The following COA1 variants were observed in gnomAD, a reference collection of about 807,000 sequenced individuals.
COA1 encodes the protein cytochrome c oxidase assembly factor 1, also known as cytochrome c oxidase assembly factor 1 homolog.
A neutral mutation model predicts 16.0 loss-of-function variants in COA1; 13 were observed. That is an observed-to-expected ratio of 0.81 (90% CI 0.53 to 1.29). The LOEUF is 1.29. Among genes scored for constraint, COA1 ranks in the 50% most tolerant of loss-of-function variants. The pLI is 0.00. For missense variants in COA1, 179 were observed against 177.0 expected, an observed-to-expected ratio of 1.01 and a Z score of -0.06; for synonymous variants, 65 against 65.7, an observed-to-expected ratio of 0.99 and a Z score of 0.05.
chr7:43,627,840 T>C (rs909058348), intron 6 of COA1, among the ~76,000 whole-genome samples: 5 of 152,238 alleles, frequency 3.3e-5, no homozygotes, highest in African/African-American at 4.8e-5. Context: ...ACTCCTGTTC[T>C]GTTGCACTGG....
intron 6 of COA1, among the ~76,000 whole-genome samples, chr7:43,616,751 G>C (rs1229620910): frequency 6.6e-6 from 1 of 151,974 alleles, no homozygotes; most frequent in Non-Finnish European, 1.5e-5. Flanking sequence ...CAAAAAATTA[G>C]CCGGGCGTGG....
intron 1 of COA1, among the ~76,000 whole-genome samples, chr7:43,665,197 G>A (rs911084827): frequency 6.6e-6 from 1 of 151,902 alleles, no homozygotes; most frequent in African/African-American, 2.4e-5. Context: ...CAATAAAATG[G>A]GGAAAAAAAC....
At chr7:43,655,339 A>C (rs530844828) in intron 1 of COA1, among the ~76,000 whole-genome samples, 3 of 152,230 alleles carry the variant, frequency 2.0e-5, no homozygotes, top group Admixed American at 2.0e-4. Flanking sequence ...CAATATTTAA[A>C]TTTACAATAC....
At chr7:43,682,842 T>C (rs932241297) in intron 1 of COA1, among the ~76,000 whole-genome samples, 2 of 152,150 alleles carry the variant, frequency 1.3e-5, no homozygotes, top group Non-Finnish European at 2.9e-5. Flanking sequence ...AGTTTGTTTT[T>C]TGGGGTTTTT....
intron 1 of COA1, among the ~76,000 whole-genome samples, chr7:43,714,001 ACT>A (rs1340224006): frequency 1.3e-5 from 2 of 152,084 alleles, no homozygotes; most frequent in Non-Finnish European, 2.9e-5. Context: ...ACACCACTGC[ACT>A]CTGTTTAAAA....
At chr7:43,700,943 T>C (rs930486693) in intron 1 of COA1, among the ~76,000 whole-genome samples, 15 of 152,088 alleles carry the variant, frequency 9.9e-5, no homozygotes, top group African/African-American at 3.6e-4. Context: ...TGCTGGTAAA[T>C]CCTGCCTATC....
At chr7:43,677,474 A>T (rs1420066188) in intron 1 of COA1, among the ~76,000 whole-genome samples, 1 of 152,208 alleles carries the variant, frequency 6.6e-6, no homozygotes, top group Non-Finnish European at 1.5e-5. Context: ...GAATGCTTTA[A>T]TGATTCCCAT....
intron 6 of COA1, among the ~76,000 whole-genome samples, chr7:43,618,896 G>A (rs906983245): frequency 1.3e-5 from 2 of 152,124 alleles, no homozygotes; most frequent in Admixed American, 6.5e-5. Flanking sequence ...AGATGAAATC[G>A]CTCCAAAATA....
chr7:43,681,547 A>T (rs1270967918), intron 1 of COA1, among the ~76,000 whole-genome samples: 4 of 152,158 alleles, frequency 2.6e-5, no homozygotes, highest in African/African-American at 9.7e-5. Flanking sequence ...TCCCCATGAA[A>T]ATCATCCTTG....
intron 6 of COA1, among the ~76,000 whole-genome samples, chr7:43,611,400 A>G (rs760475105): frequency 1.3e-5 from 2 of 152,238 alleles, no homozygotes. Flanking sequence ...ATGGACACTC[A>G]GGACCCAGTA....
intron 6 of COA1, among the ~76,000 whole-genome samples, chr7:43,620,102 G>C (rs1408149221): frequency 2.0e-5 from 3 of 152,188 alleles, no homozygotes; most frequent in African/African-American, 7.2e-5. Context: ...CAAGTCTGAG[G>C]CTCCATAGAA....
intron 1 of COA1, among the ~76,000 whole-genome samples, chr7:43,700,588 A>G: frequency 1.7e-5 from 1 of 59,222 alleles, no homozygotes; most frequent in African/African-American, 8.2e-5. Context: ...ACGTGTATAT[A>G]TACGTGTGTG....
intron 1 of COA1, among the ~76,000 whole-genome samples, chr7:43,712,969 T>C (rs1239034000): frequency 2.0e-5 from 3 of 152,216 alleles, no homozygotes; most frequent in Admixed American, 1.3e-4. Flanking sequence ...TCTTTTGCTA[T>C]TTGAGACAGA....
At chr7:43,676,623 CATAAT>C (rs1008921778) in intron 1 of COA1, among the ~76,000 whole-genome samples, 55 of 152,164 alleles carry the variant, frequency 3.6e-4, no homozygotes, top group African/African-American at 1.1e-3. Context: ...TTATAGGTAA[CATAAT>C]ATATAGTTTC....
intron 1 of COA1, among the ~76,000 whole-genome samples, chr7:43,684,595 A>T (rs182932841): frequency 0.03 from 4,609 of 152,258 alleles, 88 homozygotes; most frequent in Non-Finnish European, 0.046. Flanking sequence ...CAAATTCAAG[A>T]GGAAAGGATA....
intron 1 of COA1, among the ~76,000 whole-genome samples, chr7:43,682,816 A>G (rs1245789259): frequency 1.3e-5 from 2 of 152,126 alleles, no homozygotes; most frequent in East Asian, 1.9e-4. Flanking sequence ...GAGACAGCCT[A>G]CCTATACAAG....
At position 43,647,320 on chromosome 7, in the gene COA1, G is replaced by C. The variant is rs1006360203; in HGVS notation, c.115+215C>G. ...TTTGCTGGGCTTCTTATGCATATTAGTCCTGGTCCTTTTATTTGTACTCGT... is the reference window on the plus strand; with the variant it reads ...TTTGCTGGGCTTCTTATGCATATTACTCCTGGTCCTTTTATTTGTACTCGT... On this transcript the variant is annotated intron_variant, in intron 3 of 5. Coordinates refer to ENST00000223336, the MANE Select transcript of COA1 (RefSeq NM_018224.4). The C allele has an allele frequency of 3.0e-5, 18 of 594,136 alleles. No individual in the cohort carries two copies. In the East Asian group the frequency reaches 4.2e-4, roughly 14 times the overall value. 36.8% of individuals were successfully genotyped at this position (594,136 alleles called of 1,614,324 possible). A position where few individuals can be genotyped will look rare whatever the true frequency, so the allele number is the denominator to read the frequency against.
At chr7:43,651,730 C>T (rs937413229) in intron 1 of COA1, among the ~76,000 whole-genome samples, 2 of 150,608 alleles carry the variant, frequency 1.3e-5, no homozygotes, top group African/African-American at 2.5e-5. Flanking sequence ...GGTGCGGTGG[C>T]TCACGCCTGT....
chr7:43,692,826 C>T (rs185138246), intron 1 of COA1, among the ~76,000 whole-genome samples: 42 of 152,294 alleles, frequency 2.8e-4, no homozygotes, highest in Admixed American at 9.8e-4. Flanking sequence ...TCCCAAACCC[C>T]TTTCCCTATA....
Sources: gnomAD v4.1 joint callset for allele counts (sites outside exome capture counted in the v4.1 genomes callset) on GRCh38, gnomAD v4.1.1 for gene constraint, MANE v1.5 for transcripts, NCBI Gene and HGNC (gene_info 2026-07-23, HGNC 2026-07-21) for gene names.